The following SLC44A5 variants were observed in gnomAD, a reference collection of about 807,000 sequenced individuals.
SLC44A5 encodes the protein choline transporter-like protein 5.
A neutral mutation model predicts 101.8 loss-of-function variants in SLC44A5; 57 were observed. That is an observed-to-expected ratio of 0.56 (90% CI 0.45 to 0.70). The LOEUF is 0.70. Ranked by LOEUF, SLC44A5 falls within the 30% of genes least tolerant of loss-of-function variation. SLC44A5 has a pLI of 0.00. For missense variants in SLC44A5, 737 were observed against 853.1 expected (o/e 0.86, Z 1.70); for synonymous variants, 281 against 290.9 (o/e 0.97, Z 0.35).
intron 1 of SLC44A5, among the ~76,000 whole-genome samples, chr1:75,580,842 A>AG (rs201079113): frequency 2.6e-5 from 4 of 151,322 alleles, no homozygotes; most frequent in African/African-American, 4.8e-5. Flanking sequence ...TGTCTCAAAA[A>AG]AAAAAACAAA....
upstream of SLC44A5, among the ~76,000 whole-genome samples, chr1:75,611,523 C>A (rs1241588171): frequency 2.0e-5 from 3 of 152,134 alleles, no homozygotes; most frequent in African/African-American, 7.2e-5. Context: ...AAGCAACTAC[C>A]TCCAACAAAC....
chr1:75,580,425 A>G (rs1258996643), intron 1 of SLC44A5, among the ~76,000 whole-genome samples: 1 of 152,206 alleles, frequency 6.6e-6, no homozygotes, highest in Non-Finnish European at 1.5e-5. Context: ...CACAAGGTCC[A>G]TAGCTGCTTG....
At chr1:75,281,152 T>G (rs1406876139) in intron 5 of SLC44A5, among the ~76,000 whole-genome samples, 4 of 152,194 alleles carry the variant, frequency 2.6e-5, no homozygotes, top group Middle Eastern at 3.4e-3. Flanking sequence ...CTTAGAGACT[T>G]GTTGAATAGC....
chr1:75,248,066 G>A (rs1354311478), intron 7 of SLC44A5, among the ~76,000 whole-genome samples: 2 of 152,060 alleles, frequency 1.3e-5, no homozygotes, highest in Non-Finnish European at 2.9e-5. Flanking sequence ...TTCTAGTAGG[G>A]TGAGACAGGA....
At chr1:75,305,772 C>G (rs1654852567) in intron 4 of SLC44A5, among the ~76,000 whole-genome samples, 1 of 152,196 alleles carries the variant, frequency 6.6e-6, no homozygotes, top group Admixed American at 6.5e-5. Context: ...CAAAAAAGCT[C>G]CAGTGTGGAT....
At chr1:75,675,318 G>A in the SLC44A5 span, among the ~76,000 whole-genome samples, 2 of 152,054 alleles carry the variant, frequency 1.3e-5, no homozygotes, top group East Asian at 3.9e-4. Flanking sequence ...TCTTGAACAG[G>A]TCCTTTACTT....
intron 2 of SLC44A5, among the ~76,000 whole-genome samples, chr1:75,420,852 T>G (rs1663959248): frequency 6.6e-6 from 1 of 152,110 alleles, no homozygotes; most frequent in African/African-American, 2.4e-5. Context: ...AGTGAAAACG[T>G]TTATGTCCCA....
chr1:75,545,760 T>C lies in SLC44A5; in HGVS notation c.-69-4244A>G, dbSNP rs975186067. 2.6e-5 allele frequency among the ~76,000 whole-genome samples: 4 copies of C among 152,306 alleles called. No homozygotes were observed. The South Asian group carries it at 8.3e-4, about 32-fold the overall frequency. On this transcript the variant is annotated intron_variant, in intron 1 of 23. Transcript: ENST00000370859. ...ATCATTTTATAATGATTGCAAAATG[T>C]TGATCTTCTACCTTTACTATTTCTT...
chr1:75,440,291 G>T (rs1415908321), intron 2 of SLC44A5, among the ~76,000 whole-genome samples: 1 of 152,096 alleles, frequency 6.6e-6, no homozygotes, highest in Non-Finnish European at 1.5e-5. Context: ...CTGATCAAGT[G>T]ACATTTGGAC....
At position 75,233,997 on chromosome 1, in the gene SLC44A5, A is replaced by G; in HGVS notation, c.842T>C (p.Ile281Thr). ...FWVFMIGVIG[I>T]IGYGIWHCYQ... ...GGAGTGATACCTACCATAACCTATA[A>G]TTCCAATCACACCAATCATGAAGAC... is the stretch of plus-strand genomic sequence containing the variant. Residue 281 changes from isoleucine to threonine, a missense_variant, in exon 12 of 24, where the codon ATT becomes ACT. Transcript: ENST00000370859. The G allele has an allele frequency of 6.2e-7, 1 of 1,610,168 alleles. No individual in the cohort carries two copies. The highest frequency in any genetic ancestry group is 1.3e-5 in the African/African-American group (1 of 74,878).
chr1:75,594,159 T>G (rs1188076332), intron 1 of SLC44A5, among the ~76,000 whole-genome samples: 1 of 151,918 alleles, frequency 6.6e-6, no homozygotes, highest in Admixed American at 6.6e-5. Flanking sequence ...ATAAAACACT[T>G]AAGATCTTTA....
At chr1:75,261,097 A>T (rs1650463275) in intron 6 of SLC44A5, among the ~76,000 whole-genome samples, 1 of 152,190 alleles carries the variant, frequency 6.6e-6, no homozygotes, top group Non-Finnish European at 1.5e-5. Context: ...CGACACTAAC[A>T]TCACATTTAA....
At chr1:75,339,677 A>G in intron 3 of SLC44A5, 47 bp from the exon 4 acceptor site, 1 of 1,492,360 alleles carries the variant, frequency 6.7e-7, no homozygotes, top group South Asian at 1.2e-5. Context: ...CAGCAAATAA[A>G]TTAATATAAA....
chr1:75,302,454 T>C (rs192644877), intron 4 of SLC44A5, among the ~76,000 whole-genome samples: 132 of 152,262 alleles, frequency 8.7e-4, no homozygotes, highest in East Asian at 2.7e-3. Context: ...ATATCTATAA[T>C]GTTATATGTT....
intron 4 of SLC44A5, among the ~76,000 whole-genome samples, chr1:75,320,769 A>G (rs1024804889): frequency 6.6e-6 from 1 of 152,180 alleles, no homozygotes; most frequent in Admixed American, 6.6e-5. Flanking sequence ...TTTTGGTTAG[A>G]TAACTTTGTA....
At chr1:75,712,193 T>G in the SLC44A5 span, among the ~76,000 whole-genome samples, 9 of 152,232 alleles carry the variant, frequency 5.9e-5, no homozygotes, top group African/African-American at 1.9e-4. Flanking sequence ...GTTTTACCCT[T>G]TGGTAAATCT....
intron 2 of SLC44A5, among the ~76,000 whole-genome samples, chr1:75,500,340 T>C (rs1325369285): frequency 6.6e-6 from 1 of 152,176 alleles, no homozygotes; most frequent in East Asian, 1.9e-4. Flanking sequence ...TGTCTGAGGA[T>C]CGAAAGATGG....
At position 75,251,311 on chromosome 1, in the gene SLC44A5, C is replaced by T. The variant is rs777416891; in HGVS notation, c.261-17G>A. On this transcript the variant is annotated splice_polypyrimidine_tract_variant and intron_variant, in intron 6 of 23. Coordinates refer to ENST00000370859, the MANE Select transcript of SLC44A5 (RefSeq NM_001130058.2). The stretch of plus-strand genomic sequence containing the variant: ...GTCTTGTTCCTGTTAAGAAAGAAAA[C>T]ATAATCTTTTTAGTGACCATGGAAA... 1.3e-6 allele frequency: 2 copies of T among 1,592,116 alleles called. No homozygotes were observed. Among genetic ancestry groups the T allele is most frequent in the East Asian group, 2.2e-5 (1 of 44,662 alleles).
the SLC44A5 span, among the ~76,000 whole-genome samples, chr1:75,689,922 C>A: frequency 2.0e-5 from 3 of 152,100 alleles, no homozygotes; most frequent in African/African-American, 7.2e-5. Flanking sequence ...GGATTTCAAC[C>A]AATCCCTGCC....
Sources: gnomAD v4.1 joint callset for allele counts (sites outside exome capture counted in the v4.1 genomes callset) on GRCh38, gnomAD v4.1.1 for gene constraint, MANE v1.5 for transcripts, NCBI Gene and HGNC (gene_info 2026-07-23, HGNC 2026-07-21) for gene names.